The following ATF7IP variants were observed in gnomAD, a reference collection of about 807,000 sequenced individuals.
The protein encoded by ATF7IP is activating transcription factor 7-interacting protein 1.
In ATF7IP, 23 loss-of-function variants were observed where a neutral mutation model predicts 106.4. That is an observed-to-expected ratio of 0.22 (90% CI 0.16 to 0.31). The LOEUF (loss-of-function observed/expected upper bound fraction) is 0.31. ATF7IP is among the 10% of genes least tolerant of loss of function. ATF7IP has a pLI of 1.00. For synonymous variants in ATF7IP, 542 were observed against 539.0 expected (o/e 1.01, Z -0.08); for missense variants, 1,334 against 1,524.3 (o/e 0.88, Z 2.08).
intron 8 of ATF7IP, among the ~76,000 whole-genome samples, chr12:14,459,958 A>G (rs193053326): frequency 7.9e-4 from 121 of 152,334 alleles, no homozygotes; most frequent in African/African-American, 2.6e-3. Flanking sequence ...TCTCCCCTCA[A>G]TAGTTCCTCT....
intron 6 of ATF7IP, among the ~76,000 whole-genome samples, chr12:14,451,536 A>G (rs921095111): frequency 1.3e-5 from 2 of 150,570 alleles, no homozygotes; most frequent in African/African-American, 4.9e-5. Context: ...CACTGTTTTC[A>G]CTGCATACAA....
At chr12:14,489,066 G>A (rs1484532303) in intron 13 of ATF7IP, among the ~76,000 whole-genome samples, 1 of 151,988 alleles carries the variant, frequency 6.6e-6, no homozygotes, top group Non-Finnish European at 1.5e-5. Flanking sequence ...CACCTCATCT[G>A]GTAGTGGTTT....
intron 13 of ATF7IP, chr12:14,482,216 C>T (rs1363732950): frequency 6.6e-6 from 1 of 152,126 alleles, no homozygotes; most frequent in African/African-American, 2.4e-5. Flanking sequence ...AGTCATTCTG[C>T]TTTTCTTTAT....
Position 14,501,428 on chromosome 12 carries a change from T to C in ATF7IP, c.*3355T>C, listed in dbSNP as rs1945156954. On this transcript the variant is annotated 3_prime_UTR_variant, in exon 15 of 15. Coordinates refer to ENST00000261168, the MANE Select transcript of ATF7IP (RefSeq NM_018179.5). ...TTCTGTGAGAGTAATTTTCACTCTG[T>C]CTTAAGTGTGAGTAAGCCTCTTCTA... 1 of 152,216 alleles carries C rather than the reference T, an allele frequency of 6.6e-6. No homozygotes were observed. The highest frequency in any genetic ancestry group is 2.4e-5 in the African/African-American group (1 of 41,462). The allele number at this position is 152,216 out of a possible 1,614,324, so 9.4% of individuals were successfully genotyped here. A position where few individuals can be genotyped will look rare whatever the true frequency, so the allele number is the denominator to read the frequency against.
chr12:14,398,736 C>T (rs1366738699), intron 1 of ATF7IP, among the ~76,000 whole-genome samples: 1 of 151,866 alleles, frequency 6.6e-6, no homozygotes, highest in Non-Finnish European at 1.5e-5. Flanking sequence ...ATCAATAGGA[C>T]ATATCTCTTT....
intron 1 of ATF7IP, among the ~76,000 whole-genome samples, chr12:14,377,888 A>C (rs1184415943): frequency 6.6e-6 from 1 of 151,830 alleles, no homozygotes; most frequent in Non-Finnish European, 1.5e-5. Flanking sequence ...TCAGCCTCCC[A>C]AAGTGCTGGG....
intron 13 of ATF7IP, among the ~76,000 whole-genome samples, chr12:14,484,794 A>T (rs1329072638): frequency 6.6e-6 from 1 of 152,142 alleles, no homozygotes; most frequent in African/African-American, 2.4e-5. Flanking sequence ...AACCTGCTTG[A>T]GCCCAATCAC....
chr12:14,425,196 A>G lies in ATF7IP; in HGVS notation c.1281A>G (p.Thr427=), dbSNP rs772519700. ...DNKSENILEN[T]DSMETDEIIP... ...AAAGTGAGAATATCTTAGAAAATAC[A>G]GACTCTATGGAGACAGATGAAATCA... The change falls in exon 2 of 15, where the codon ACA becomes ACG. Residue 427 remains threonine (T), a synonymous_variant. Transcript: ENST00000261168. 41 of 1,597,358 alleles carry G rather than the reference A, an allele frequency of 2.6e-5. No individual in the cohort carries two copies. The highest frequency in any genetic ancestry group is 3.5e-5 in the Non-Finnish European group (41 of 1,175,468).
At chr12:14,381,875 T>TC (rs1049236713) in intron 1 of ATF7IP, among the ~76,000 whole-genome samples, 50 of 151,716 alleles carry the variant, frequency 3.3e-4, no homozygotes, top group African/African-American at 1.2e-3. Context: ...TAGTTTTTTT[T>TC]TTTCTTTCTT....
intron 13 of ATF7IP, among the ~76,000 whole-genome samples, chr12:14,492,244 C>T (rs906875586): frequency 6.6e-6 from 1 of 152,192 alleles, no homozygotes; most frequent in Non-Finnish European, 1.5e-5. Flanking sequence ...TAAGCCTGTA[C>T]TTTAACTGGA....
At chr12:14,381,873 T>TC (rs1939016518) in intron 1 of ATF7IP, among the ~76,000 whole-genome samples, 1 of 151,576 alleles carries the variant, frequency 6.6e-6, no homozygotes, top group African/African-American at 2.4e-5. Context: ...TCTAGTTTTT[T>TC]TTTTTCTTTC....
intron 5 of ATF7IP, among the ~76,000 whole-genome samples, chr12:14,444,337 G>A (rs1441610308): frequency 6.6e-6 from 1 of 152,066 alleles, no homozygotes; most frequent in African/African-American, 2.4e-5. Flanking sequence ...GCTTTTATGA[G>A]CAGTAATATT....
At chr12:14,374,351 C>T (rs1938650133) in intron 1 of ATF7IP, among the ~76,000 whole-genome samples, 1 of 143,718 alleles carries the variant, frequency 7.0e-6, no homozygotes. Flanking sequence ...TGGGCTCAAG[C>T]AATCCTCCCC....
At chr12:14,467,374 T>A (rs1031698009) in intron 10 of ATF7IP, among the ~76,000 whole-genome samples, 2 of 152,176 alleles carry the variant, frequency 1.3e-5, no homozygotes, top group Non-Finnish European at 2.9e-5. Flanking sequence ...CGATGGATTT[T>A]GACCAACCTA....
rs753467146 is a variant in ATF7IP at position 14,424,346 on chromosome 12, C to T, written c.431C>T (p.Pro144Leu). The change falls in exon 2 of 15, where the codon CCA (proline) becomes CTA (leucine). Residue 144 changes from proline to leucine, a missense_variant. By Grantham distance (98) the Pro-to-Leu change is moderately conservative. Coordinates refer to ENST00000261168, the MANE Select transcript of ATF7IP (RefSeq NM_018179.5). The stretch of plus-strand genomic sequence containing the variant: ...CCTGGTGATCTGGATGCCGGAGATC[C>T]AGCCTCCGGAGTACTGGCCTCTGGT... ...PAPGDLDAGD[P>L]ASGVLASGDS... is the part of the protein sequence containing the mutation. The T allele has an allele frequency of 6.2e-7, 1 of 1,614,148 alleles. No individual in the cohort carries two copies. Among genetic ancestry groups the T allele is most frequent in the Non-Finnish European group, 8.5e-7 (1 of 1,180,018 alleles).
intron 6 of ATF7IP, among the ~76,000 whole-genome samples, chr12:14,449,449 A>G (rs1476340328): frequency 6.6e-6 from 1 of 151,968 alleles, no homozygotes; most frequent in Non-Finnish European, 1.5e-5. Context: ...ATTTGACCGT[A>G]TATGTGAGTT....
intron 13 of ATF7IP, among the ~76,000 whole-genome samples, chr12:14,485,880 G>A (rs1944591606): frequency 6.6e-6 from 1 of 152,190 alleles, no homozygotes; most frequent in Non-Finnish European, 1.5e-5. Context: ...TTCTGCATAG[G>A]CCACATGGGA....
chr12:14,434,859 A>T (rs1942324044), intron 3 of ATF7IP, among the ~76,000 whole-genome samples: 1 of 152,112 alleles, frequency 6.6e-6, no homozygotes, highest in Non-Finnish European at 1.5e-5. Flanking sequence ...GCCAAGATGG[A>T]AGGATTGCTT....
At position 14,499,477 on chromosome 12, in the gene ATF7IP, C is replaced by CT. The variant is rs1945106043; in HGVS notation, c.*1406dup. On this transcript the variant is annotated 3_prime_UTR_variant, in exon 15 of 15. Coordinates refer to ENST00000261168, the MANE Select transcript of ATF7IP (RefSeq NM_018179.5). ...CAAAGCTATCACCCAACACTAACTC[C>CT]TTAGTATTCTTTCAAAGGAAGCAAA... The CT allele has an allele frequency of 1.3e-5, 2 of 152,156 alleles. No homozygotes were observed. The highest frequency in any genetic ancestry group is 4.8e-5 in the African/African-American group (2 of 41,432). 9.4% of individuals were successfully genotyped at this position (152,156 alleles called of 1,614,324 possible). A position where few individuals can be genotyped will look rare whatever the true frequency, so the allele number is the denominator to read the frequency against.
Sources: gnomAD v4.1 joint callset for allele counts (sites outside exome capture counted in the v4.1 genomes callset) on GRCh38, gnomAD v4.1.1 for gene constraint, MANE v1.5 for transcripts, NCBI Gene and HGNC (gene_info 2026-07-23, HGNC 2026-07-21) for gene names.